The following RAP1A variants were observed in gnomAD, a reference collection of about 807,000 sequenced individuals.
RAP1A encodes ras-related protein Rap-1A.
RAP1A carries 6 observed loss-of-function variants against 26.4 expected under a neutral mutation model. That is an observed-to-expected ratio of 0.23 (90% confidence interval 0.12 to 0.45). The LOEUF (loss-of-function observed/expected upper bound fraction) is 0.45. Ranked by LOEUF, RAP1A falls within the 20% of genes least tolerant of loss-of-function variation. RAP1A has a pLI of 0.99. For synonymous variants in RAP1A, 73 were observed against 79.4 expected (o/e 0.92, Z 0.43); for missense variants, 121 against 217.2 (o/e 0.56, Z 2.78).
chr1:111,576,534 G>A (rs776487518), intron 1 of RAP1A, among the ~76,000 whole-genome samples: 12 of 152,298 alleles, frequency 7.9e-5, no homozygotes, highest in East Asian at 1.9e-4. Flanking sequence ...AGGAGAACCC[G>A]TCTGGGTTAA....
chr1:111,648,174 AGT>A (rs143658994), intron 1 of RAP1A: 11,151 of 227,564 alleles, frequency 0.049, 483 homozygotes, highest in African/African-American at 0.14. Flanking sequence ...AGGTTCAAAC[AGT>A]GTGTGTGTGT....
intron 1 of RAP1A, among the ~76,000 whole-genome samples, chr1:111,687,745 G>A (rs1181077314): frequency 6.6e-6 from 1 of 151,956 alleles, no homozygotes; most frequent in Admixed American, 6.5e-5. Flanking sequence ...TGGGTGTGCT[G>A]GCTCATGCCT....
rs187872061 is a variant in RAP1A at position 111,553,322 on chromosome 1, T to C, written c.-28+10813T>C. ...TCAGCTCTGGCAAAAACTCATGACA[T>C]ATACAGCATTGATTCTGCATCACCT... On this transcript the variant is annotated intron_variant, in intron 1 of 7. Coordinates refer to the RAP1A transcript ENST00000356415. Among the ~76,000 whole-genome samples the C allele has an allele frequency of 2.0e-3, 300 of 152,362 alleles. 2 individuals are homozygous for C. Among genetic ancestry groups the C allele is most frequent in the African/African-American group, 7.1e-3 (294 of 41,576 alleles).
intron 1 of RAP1A, among the ~76,000 whole-genome samples, chr1:111,627,076 G>A (rs1659423091): frequency 6.6e-6 from 1 of 151,894 alleles, no homozygotes; most frequent in African/African-American, 2.4e-5. Context: ...CTTTTTCAGT[G>A]GTTATAACTG....
rs180785230 is a variant in RAP1A, at chr1:111,704,939, G to T, written c.468+453G>T. ...CATGACTCATAAGTGGGTAATCTGTGTGGGTATGGACATGTACCTGGAATT... is the reference window on the plus strand; with the variant it reads ...CATGACTCATAAGTGGGTAATCTGTTTGGGTATGGACATGTACCTGGAATT... On this transcript the variant is annotated intron_variant, in intron 6 of 7. Coordinates refer to ENST00000369709, the MANE Select transcript of RAP1A (RefSeq NM_002884.4). 5.9e-5 allele frequency among the ~76,000 whole-genome samples: 9 copies of T among 152,210 alleles called. No individual in the cohort carries two copies. In the East Asian group the frequency reaches 1.7e-3, roughly 29 times the overall value.
intron 1 of RAP1A, among the ~76,000 whole-genome samples, chr1:111,588,185 G>T (rs976059842): frequency 1.3e-4 from 20 of 152,206 alleles, no homozygotes; most frequent in Admixed American, 5.9e-4. Flanking sequence ...CTTTAGATGT[G>T]CCCCTCCTCA....
At chr1:111,675,428 C>T (rs1250318756) in intron 1 of RAP1A, among the ~76,000 whole-genome samples, 12 of 151,946 alleles carry the variant, frequency 7.9e-5, no homozygotes, top group African/African-American at 1.9e-4. Context: ...GCCGAGATCG[C>T]GCCACTGCAC....
At chr1:111,647,232 C>T (rs182220065) in intron 1 of RAP1A, among the ~76,000 whole-genome samples, 40 of 152,298 alleles carry the variant, frequency 2.6e-4, no homozygotes, top group Non-Finnish European at 4.0e-4. Flanking sequence ...CTAGCTTGCA[C>T]GCTTCTTATG....
rs185832801 is a variant in RAP1A, at chr1:111,648,508, G to A, written c.-28+28574G>A. On this transcript the variant is annotated intron_variant, in intron 1 of 7. Coordinates refer to ENST00000369709, the MANE Select transcript of RAP1A (RefSeq NM_002884.4). ...GGGCCTCGTACTCACTCCTGGGCCT[G>A]GCGTTGCCCCTCTGCCCGGGTCTGT... The A allele has an allele frequency of 3.9e-5, 22 of 562,292 alleles. No homozygotes were observed. The East Asian group carries it at 8.7e-4, about 22-fold the overall frequency. The allele number at this position is 562,292 out of a possible 1,614,324, so 34.8% of individuals were successfully genotyped here. A position where few individuals can be genotyped will look rare whatever the true frequency, so the allele number is the denominator to read the frequency against.
At chr1:111,693,712 GCACATGTTCTATAC>G (rs1250527827) in intron 2 of RAP1A, among the ~76,000 whole-genome samples, 1 of 152,104 alleles carries the variant, frequency 6.6e-6, no homozygotes, top group African/African-American at 2.4e-5. Flanking sequence ...TCTTTCAATA[GCACATGTTCTATAC>G]CCTTTGGAAG....
At position 111,668,529 on chromosome 1, in the gene RAP1A, C is replaced by T. The variant is rs149381609; in HGVS notation, c.-27-22805C>T. ...CTAAAGTAGGGTTTATTATTATCCC[C>T]ATTTTACAGGTGAAGGAATGAAGCA... On this transcript the variant is annotated intron_variant, in intron 1 of 7. Transcript: ENST00000369709. Among the ~76,000 whole-genome samples the T allele has an allele frequency of 9.2e-5, 14 of 152,266 alleles. No individual in the cohort carries two copies. The East Asian group carries it at 1.5e-3, about 17-fold the overall frequency.
intron 1 of RAP1A, among the ~76,000 whole-genome samples, chr1:111,569,430 C>A (rs12409044): frequency 6.6e-6 from 1 of 151,546 alleles, no homozygotes; most frequent in Admixed American, 6.6e-5. Flanking sequence ...GGATTTCCGA[C>A]CGTGCCAGGG....
intron 1 of RAP1A, among the ~76,000 whole-genome samples, chr1:111,674,915 A>G (rs919252554): frequency 1.3e-5 from 2 of 152,116 alleles, no homozygotes; most frequent in African/African-American, 4.8e-5. Flanking sequence ...TCCATCTTGC[A>G]TACTGTCAGT....
intron 1 of RAP1A, chr1:111,648,726 G>T: frequency 1.7e-6 from 1 of 589,648 alleles, no homozygotes; most frequent in Non-Finnish European, 3.2e-6. Context: ...AGCCTCAGCA[G>T]ACTGCGTGGT....
At chr1:111,558,491 A>G (rs1302621967) in intron 1 of RAP1A, among the ~76,000 whole-genome samples, 1 of 152,154 alleles carries the variant, frequency 6.6e-6, no homozygotes, top group Non-Finnish European at 1.5e-5. Flanking sequence ...CTGGAGGGAA[A>G]TAATTTTTAA....
intron 1 of RAP1A, among the ~76,000 whole-genome samples, chr1:111,546,988 A>T (rs1657057182): frequency 6.6e-6 from 1 of 152,178 alleles, no homozygotes; most frequent in Admixed American, 6.5e-5. Context: ...TAAGGAGTGT[A>T]AAGTGGAACA....
chr1:111,579,797 T>C (rs1016832560), intron 1 of RAP1A, among the ~76,000 whole-genome samples: 24 of 88,200 alleles, frequency 2.7e-4, no homozygotes, highest in African/African-American at 6.5e-4. Flanking sequence ...TCCATTTATT[T>C]ATTTATTTAT....
At chr1:111,659,736 A>G (rs534697844) in intron 1 of RAP1A, among the ~76,000 whole-genome samples, 176 of 151,078 alleles carry the variant, frequency 1.2e-3, no homozygotes, top group Middle Eastern at 0.01. Flanking sequence ...ATGTTACTTC[A>G]TTTTTTCTCC....
intron 1 of RAP1A, among the ~76,000 whole-genome samples, chr1:111,646,415 T>C (rs1181203041): frequency 7.4e-6 from 1 of 134,280 alleles, no homozygotes; most frequent in African/African-American, 3.2e-5. Flanking sequence ...CAGTTTTCCT[T>C]TTTGTAAAAA....
Sources: allele counts gnomAD v4.1 joint callset (sites outside exome capture counted in the v4.1 genomes callset), GRCh38; gene constraint gnomAD v4.1.1; transcripts MANE v1.5; gene names NCBI Gene and HGNC (gene_info 2026-07-23, HGNC 2026-07-21).